TMEFF2: variants seen among roughly 807,000 people sequenced by gnomAD.
TMEFF2 encodes the protein transmembrane protein with EGF like and two follistatin like domains 2.
TMEFF2 carries 28 observed loss-of-function variants against 53.8 expected under a neutral mutation model. The ratio of observed to expected loss-of-function variants is 0.52; its 90% CI spans 0.39 to 0.71. TMEFF2 has a LOEUF of 0.71. Ranked by LOEUF, TMEFF2 falls within the 30% of genes least tolerant of loss-of-function variation. The pLI is 0.00. For missense variants in TMEFF2, 353 were observed against 455.2 expected, an observed-to-expected ratio of 0.78 and a Z score of 2.04; for synonymous variants, 162 against 166.3, an observed-to-expected ratio of 0.97 and a Z score of 0.20.
intron 3 of TMEFF2, among the ~76,000 whole-genome samples, chr2:192,183,160 CAAACCA>C (rs1214086759): frequency 6.6e-6 from 1 of 152,008 alleles, no homozygotes; most frequent in African/African-American, 2.4e-5. Context: ...AGACTACTTA[CAAACCA>C]AAACCAAAAC....
chr2:192,000,494 C>A (rs1686329261), intron 5 of TMEFF2, among the ~76,000 whole-genome samples: 1 of 152,196 alleles, frequency 6.6e-6, no homozygotes, highest in Non-Finnish European at 1.5e-5. Context: ...TTATTAGAAT[C>A]TCCTGGAGAA....
chr2:191,974,566 A>G (rs1421608254), intron 7 of TMEFF2, among the ~76,000 whole-genome samples: 1 of 152,210 alleles, frequency 6.6e-6, no homozygotes, highest in Non-Finnish European at 1.5e-5. Flanking sequence ...CAACCTAAAG[A>G]AGGCCAAAAT....
intron 4 of TMEFF2, among the ~76,000 whole-genome samples, chr2:192,097,984 G>C (rs1688953609): frequency 6.6e-6 from 1 of 152,122 alleles, no homozygotes. Context: ...CAAGCATTTG[G>C]TGAATGACAA....
At chr2:192,038,454 T>A (rs1687386415) in intron 5 of TMEFF2, among the ~76,000 whole-genome samples, 1 of 149,860 alleles carries the variant, frequency 6.7e-6, no homozygotes, top group Non-Finnish European at 1.5e-5. Flanking sequence ...TTATTTTAAA[T>A]TTTTTTTTTA....
intron 5 of TMEFF2, among the ~76,000 whole-genome samples, chr2:192,009,472 T>A (rs1686576278): frequency 6.6e-6 from 1 of 152,166 alleles, no homozygotes; most frequent in Non-Finnish European, 1.5e-5. Flanking sequence ...ACTGCTATAA[T>A]TGAGTATAAA....
chr2:192,009,521 C>A (rs540209991), intron 5 of TMEFF2, among the ~76,000 whole-genome samples: 150 of 152,202 alleles, frequency 9.9e-4, no homozygotes, highest in African/African-American at 2.8e-3. Context: ...ATTAACTCTT[C>A]ATAATTAGAA....
At chr2:192,065,878 A>T (rs1417980496) in intron 4 of TMEFF2, among the ~76,000 whole-genome samples, 2 of 151,718 alleles carry the variant, frequency 1.3e-5, no homozygotes, top group Admixed American at 6.6e-5. Context: ...CTGTTCTTTA[A>T]TTTGTACAAC....
intron 2 of TMEFF2, among the ~76,000 whole-genome samples, chr2:192,190,888 C>CT (rs138906886): frequency 0.99 from 150,492 of 152,194 alleles, 74,429 homozygotes; most frequent in Middle Eastern, 1. Flanking sequence ...TGTTCTATAT[C>CT]ATTTTTATTC....
intron 2 of TMEFF2, among the ~76,000 whole-genome samples, chr2:192,186,311 T>C (rs1453704539): frequency 6.6e-6 from 1 of 152,082 alleles, no homozygotes; most frequent in Non-Finnish European, 1.5e-5. Context: ...TCCACTACCA[T>C]CCAAGAAAGA....
intron 4 of TMEFF2, among the ~76,000 whole-genome samples, chr2:192,163,251 A>C (rs965851506): frequency 2.6e-5 from 4 of 152,184 alleles, no homozygotes; most frequent in African/African-American, 9.7e-5. Context: ...TATTGTGTGG[A>C]CATTTACATT....
intron 5 of TMEFF2, among the ~76,000 whole-genome samples, chr2:192,050,622 G>A (rs538963221): frequency 3.3e-5 from 5 of 151,790 alleles, no homozygotes; most frequent in Non-Finnish European, 7.4e-5. Flanking sequence ...TTGGATTACC[G>A]GCAGCTACTG....
At chr2:192,013,455 CTT>C (rs879414897) in intron 5 of TMEFF2, among the ~76,000 whole-genome samples, 13 of 143,692 alleles carry the variant, frequency 9.0e-5, no homozygotes, top group Non-Finnish European at 1.1e-4. Flanking sequence ...ATATTACATA[CTT>C]TTTTTTTTTT....
chr2:192,041,057 G>C (rs1024217105), intron 5 of TMEFF2, among the ~76,000 whole-genome samples: 3 of 152,098 alleles, frequency 2.0e-5, no homozygotes, highest in African/African-American at 4.8e-5. Context: ...GCTCCCTTGG[G>C]TTGAGCAAAA....
intron 5 of TMEFF2, among the ~76,000 whole-genome samples, chr2:192,032,960 T>G (rs1687180524): frequency 6.6e-6 from 1 of 152,342 alleles, no homozygotes; most frequent in Middle Eastern, 3.4e-3. Context: ...TTTTTCTTGG[T>G]TTAAGCTCTT....
chr2:191,958,986 A>C (rs1413870193), intron 7 of TMEFF2, among the ~76,000 whole-genome samples: 3 of 152,226 alleles, frequency 2.0e-5, no homozygotes, highest in African/African-American at 7.2e-5. Flanking sequence ...GAAACACAGA[A>C]ATCTAATATC....
chr2:192,075,300 T>TATAA lies in TMEFF2; in HGVS notation c.440-17526_440-17525insTTAT, dbSNP rs1452082643. Among the ~76,000 whole-genome samples, 9 of 40,112 alleles carry TATAA rather than the reference T, an allele frequency of 2.2e-4. 1 individual carries two copies. The highest frequency in any genetic ancestry group is 0.015 in the Middle Eastern group (2 of 130). 26.3% of individuals were successfully genotyped at this position (40,112 alleles called of 152,430 possible). Reference sequence around the variant, plus strand: ...TACAGTACTATTATATATATATATATATATATATATATATATATATATATA... The same window carrying TATAA: ...TACAGTACTATTATATATATATATATATAAATATATATATATATATATATATATA... On this transcript the variant is annotated intron_variant, in intron 4 of 9. Coordinates refer to ENST00000272771, the MANE Select transcript of TMEFF2 (RefSeq NM_016192.4).
chr2:192,102,794 A>G (rs2097967823), intron 4 of TMEFF2, among the ~76,000 whole-genome samples: 1 of 151,254 alleles, frequency 6.6e-6, no homozygotes, highest in Non-Finnish European at 1.5e-5. Context: ...TGGTCTTGAA[A>G]TCCTGACTTC....
At chr2:192,085,683 G>T (rs973310605) in intron 4 of TMEFF2, among the ~76,000 whole-genome samples, 6 of 147,516 alleles carry the variant, frequency 4.1e-5, no homozygotes, top group Non-Finnish European at 8.9e-5. Context: ...TATCTATGGA[G>T]ATAGAAAGTG....
chr2:191,964,374 CTTTCTTTCTTTCTT>C (rs1692392482), intron 7 of TMEFF2, among the ~76,000 whole-genome samples: 2 of 19,750 alleles, frequency 1.0e-4, no homozygotes, highest in African/African-American at 1.3e-4. Flanking sequence ...CTTTCTTTCT[CTTTCTTTCTTTCTT>C]TCTTTCTTTC....
Sources: gnomAD v4.1 joint callset for allele counts (sites outside exome capture counted in the v4.1 genomes callset) on GRCh38, gnomAD v4.1.1 for gene constraint, MANE v1.5 for transcripts, NCBI Gene and HGNC (gene_info 2026-07-23, HGNC 2026-07-21) for gene names.